Variants in DYNC1H1 observed in about 807,000 individuals in gnomAD.
DYNC1H1 encodes cytoplasmic dynein 1 heavy chain 1.
A neutral mutation model predicts 527.1 loss-of-function variants in DYNC1H1; 51 were observed. The observed-to-expected ratio is 0.10, with a 90% CI of 0.08 to 0.12. The LOEUF (loss-of-function observed/expected upper bound fraction) is 0.12. Among genes scored for constraint, DYNC1H1 ranks in the 10% least tolerant of loss-of-function variants. The pLI, the probability that DYNC1H1 is intolerant of heterozygous loss-of-function variation, is 1.00. For missense variants in DYNC1H1, 2,771 were observed against 5,971.8 expected, an observed-to-expected ratio of 0.46 and a Z score of 17.66; for synonymous variants, 2,189 against 2,278.8, an observed-to-expected ratio of 0.96 and a Z score of 1.12.
rs547982411 is a variant in DYNC1H1, at chr14:102,020,515, C to A, written c.8507+459C>A. Among the ~76,000 whole-genome samples the A allele has an allele frequency of 2.0e-5, 3 of 152,244 alleles. No homozygotes were observed. Among genetic ancestry groups the A allele is most frequent in the South Asian group, 2.1e-4 (1 of 4,818 alleles). ...CCCAGTGTGCGTGTTCCGTAACCAC[C>A]ACCCCTCTTCCTGTTTCTCAGTCTG... is the stretch of plus-strand genomic sequence containing the variant. On this transcript the variant is annotated intron_variant, in intron 42 of 77. Coordinates refer to ENST00000360184, the MANE Select transcript of DYNC1H1 (RefSeq NM_001376.5). The surrounding 1 kb of genome is among the most constrained non-coding windows in gnomAD (Gnocchi z 4.3).
At chr14:101,974,033 C>G (rs1383822708) in intron 1 of DYNC1H1, among the ~76,000 whole-genome samples, 2 of 152,318 alleles carry the variant, frequency 1.3e-5, no homozygotes, top group Non-Finnish European at 2.9e-5. Flanking sequence ...AAATGACTTT[C>G]TCAAGGTCAC....
intron 1 of DYNC1H1, among the ~76,000 whole-genome samples, chr14:101,967,522 C>T (rs1031593408): frequency 4.3e-4 from 65 of 152,276 alleles, no homozygotes; most frequent in African/African-American, 1.5e-3. Flanking sequence ...GCTACCCCAG[C>T]TAGCCATAAA....
rs772665813 is a variant in DYNC1H1, at chr14:102,033,068, C to A, written c.10083C>A (p.Asp3361Glu). The A allele has an allele frequency of 5.0e-6, 8 of 1,613,252 alleles. No individual in the cohort carries two copies. The highest frequency in any genetic ancestry group is 5.9e-6 in the Non-Finnish European group (7 of 1,179,244). The change falls in exon 53 of 78, where the codon GAC (aspartate) becomes GAA (glutamate). Residue 3361 changes from aspartate (D) to glutamate (E), a missense_variant. Asp to Glu is a conservative substitution (Grantham distance 45). Transcript: ENST00000360184. The surrounding 1 kb of genome is among the most constrained non-coding windows in gnomAD (Gnocchi z 5.6). ...AAATATCATTCGTCTTTTACAGTGA[C>A]GCCATAAGGGAGAAGATGAAGAAAA... is the stretch of plus-strand genomic sequence containing the variant. ...IVNFSAEEIS[D>E]AIREKMKKNY... is the part of the protein sequence containing the mutation.
chr14:101,973,670 G>C (rs1434822490), intron 1 of DYNC1H1, among the ~76,000 whole-genome samples: 1 of 152,122 alleles, frequency 6.6e-6, no homozygotes, highest in Non-Finnish European at 1.5e-5. Context: ...TGAAGGTGGT[G>C]GCATGAGCGT....
chr14:101,997,925 G>A lies in DYNC1H1; in HGVS notation c.3804+651G>A, dbSNP rs999182773. 4.6e-5 allele frequency among the ~76,000 whole-genome samples: 7 copies of A among 152,336 alleles called. No homozygotes were observed. The East Asian group carries it at 1.3e-3, about 29-fold the overall frequency. On this transcript the variant is annotated intron_variant, in intron 16 of 77. Coordinates refer to ENST00000360184, the MANE Select transcript of DYNC1H1 (RefSeq NM_001376.5). This position sits in a 1 kb window ranked among gnomAD's most constrained non-coding sequence, Gnocchi z 4.8. ...AGGTGGTGGTGCTGCTGCGACAGAAGCAGATGAGAGGGCGCTGGCTCAGTG... is the reference window on the plus strand; with the variant it reads ...AGGTGGTGGTGCTGCTGCGACAGAAACAGATGAGAGGGCGCTGGCTCAGTG...
chr14:101,997,010 T>G lies in DYNC1H1; in HGVS notation c.3565-25T>G. 4 of 1,604,468 alleles carry G rather than the reference T, an allele frequency of 2.5e-6. No homozygotes were observed. The highest frequency in any genetic ancestry group is 3.4e-6 in the Non-Finnish European group (4 of 1,175,024). On this transcript the variant is annotated intron_variant, in intron 15 of 77. Transcript: ENST00000360184. The surrounding 1 kb of genome is among the most constrained non-coding windows in gnomAD (Gnocchi z 4.8). Reference sequence around the variant, plus strand: ...CTATCATTGTTATAGAAGAAAAAACTTGATTTATTTTTTAACTCTCAAAGC... The same window carrying G: ...CTATCATTGTTATAGAAGAAAAAACGTGATTTATTTTTTAACTCTCAAAGC...
intron 29 of DYNC1H1, 105 bp downstream of exon 29, chr14:102,008,442 A>G: frequency 7.0e-7 from 1 of 1,427,684 alleles, no homozygotes; most frequent in South Asian, 1.2e-5. Flanking sequence ...AATTTAGCTC[A>G]CAGGAGCTCA....
rs981177855 is a variant in DYNC1H1 at position 102,055,774 on chromosome 14, T to G, written c.*5211T>G. The G allele has an allele frequency of 2.6e-5, 4 of 152,418 alleles. No homozygotes were observed. The highest frequency in any genetic ancestry group is 2.0e-4 in the Admixed American group (3 of 15,270). 9.4% of individuals were successfully genotyped at this position (152,418 alleles called of 1,614,324 possible). ...CTTCCAAACCCCGCAGGCAGCTGAT[T>G]AGCAAACTCTGACTCTAACCTCAAA... On this transcript the variant is annotated 3_prime_UTR_variant, in exon 78 of 78. Coordinates refer to ENST00000360184, the MANE Select transcript of DYNC1H1 (RefSeq NM_001376.5).
At position 102,052,778 on chromosome 14, in the gene DYNC1H1, G is replaced by C. The variant is rs1430708233; in HGVS notation, c.*2215G>C. The C allele has an allele frequency of 6.6e-6, 1 of 152,282 alleles. No individual in the cohort carries two copies. Among genetic ancestry groups the C allele is most frequent in the African/African-American group, 2.4e-5 (1 of 41,460 alleles). The allele number at this position is 152,282 out of a possible 1,614,324, so 9.4% of individuals were successfully genotyped here. On this transcript the variant is annotated 3_prime_UTR_variant, in exon 78 of 78. Transcript: ENST00000360184. Reference sequence around the variant, plus strand: ...CCATCCTCGAGTCCTCGGGCTACGTGCCCTCATCTTTGGCTTCCAGGGACA... The same window carrying C: ...CCATCCTCGAGTCCTCGGGCTACGTCCCCTCATCTTTGGCTTCCAGGGACA...
At chr14:101,973,264 T>A (rs1481002434) in intron 1 of DYNC1H1, among the ~76,000 whole-genome samples, 1 of 151,046 alleles carries the variant, frequency 6.6e-6, no homozygotes, top group African/African-American at 2.4e-5. Context: ...GTTGAAGCAA[T>A]TCTCTTACCC....
Position 102,039,074 on chromosome 14 carries a change from T to A in DYNC1H1, c.11280T>A (p.Ile3760=). ...CTCTGAACGAGGTGAAAGGGCGCAT[T>A]TTGGATGACGACACGATCATAACCA... ...LQALNEVKGR[I]LDDDTIITTL... is the part of the protein sequence containing the mutation. Residue 3760 remains isoleucine, a synonymous_variant, in exon 60 of 78, where the codon ATT becomes ATA. Coordinates refer to ENST00000360184, the MANE Select transcript of DYNC1H1 (RefSeq NM_001376.5). This position sits in a 1 kb window ranked among gnomAD's most constrained non-coding sequence, Gnocchi z 7.0. 1 of 1,614,136 alleles carries A rather than the reference T, an allele frequency of 6.2e-7. No individual in the cohort carries two copies.
chr14:101,987,427 T>G (rs1417435263), intron 8 of DYNC1H1, 26 bp from the exon 9 acceptor site: 1 of 1,606,452 alleles, frequency 6.2e-7, no homozygotes, highest in Non-Finnish European at 8.5e-7. Context: ...GTGGGTGTTT[T>G]AAATATTAAA....
chr14:101,973,796 A>AT, intron 1 of DYNC1H1, among the ~76,000 whole-genome samples: 1 of 152,284 alleles, frequency 6.6e-6, no homozygotes, highest in South Asian at 2.1e-4. Context: ...AGAGCAAGAC[A>AT]TTGTCTCTAA....
At chr14:102,021,377 C>A (rs890290640) in intron 42 of DYNC1H1, among the ~76,000 whole-genome samples, 1 of 152,012 alleles carries the variant, frequency 6.6e-6, no homozygotes, top group African/African-American at 2.4e-5. Context: ...ACCCTGTCTC[C>A]CACAATATAG....
intron 56 of DYNC1H1, chr14:102,034,666 T>TTCTAAAA (rs2048551068): frequency 2.4e-6 from 2 of 818,144 alleles, no homozygotes; most frequent in Admixed American, 4.5e-5. Flanking sequence ...TCTTGTAACC[T>TTCTAAAA]TCTAAAATCG....
Position 101,986,724 on chromosome 14 carries a change from A to G in DYNC1H1, c.2499A>G (p.Val833=), listed in dbSNP as rs2047941402. 6.2e-7 allele frequency: 1 copy of G among 1,614,204 alleles called. No homozygotes were observed. The change falls in exon 8 of 78, where the codon GTA becomes GTG. Residue 833 remains valine, a synonymous_variant. Coordinates refer to ENST00000360184, the MANE Select transcript of DYNC1H1 (RefSeq NM_001376.5). This position sits in a 1 kb window ranked among gnomAD's most constrained non-coding sequence, Gnocchi z 8.7. The part of the protein sequence containing the change: ...VWESYKLDPY[V]QRLAETVFNF... ...AGTCCTACAAACTTGACCCATATGT[A>G]CAGCGCTTAGCAGAGACTGTCTTCA...
intron 63 of DYNC1H1, 62 bp from the exon 64 acceptor site, chr14:102,040,536 T>G: frequency 6.2e-7 from 1 of 1,612,596 alleles, no homozygotes; most frequent in Non-Finnish European, 8.5e-7. Context: ...TCTCGCTCAG[T>G]CGTGGGTTCT....
Position 102,041,164 on chromosome 14 carries a change from G to A in DYNC1H1, c.11942-410G>A, listed in dbSNP as rs1201599037. 2.8e-6 allele frequency: 1 copy of A among 351,570 alleles called. No homozygotes were observed. Among genetic ancestry groups the A allele is most frequent in the Non-Finnish European group, 5.4e-6 (1 of 183,530 alleles). 21.8% of individuals were successfully genotyped at this position (351,570 alleles called of 1,614,324 possible). A position where few individuals can be genotyped will look rare whatever the true frequency, so the allele number is the denominator to read the frequency against. On this transcript the variant is annotated intron_variant, in intron 64 of 77. Coordinates refer to ENST00000360184, the MANE Select transcript of DYNC1H1 (RefSeq NM_001376.5). This position sits in a 1 kb window ranked among gnomAD's most constrained non-coding sequence, Gnocchi z 4.5. ...TAAGGAGTTAACTGGCTGTATTCAT[G>A]CTGCAGACAGGAATGGAATGCCATC...
At position 102,044,351 on chromosome 14, in the gene DYNC1H1, G is replaced by T. The variant is rs746049414; in HGVS notation, c.12762G>T (p.Gly4254=). Residue 4254 remains glycine (G), a synonymous_variant, in exon 71 of 78, where the codon GGG becomes GGT. Coordinates refer to ENST00000360184, the MANE Select transcript of DYNC1H1 (RefSeq NM_001376.5). This position sits in a 1 kb window ranked among gnomAD's most constrained non-coding sequence, Gnocchi z 7.1. Reference sequence around the variant, plus strand: ...TAATGGCCCAGTCCATTTATGGCGGGCGCGTGGACAACGAGTTTGACCAGC... The same window carrying T: ...TAATGGCCCAGTCCATTTATGGCGGTCGCGTGGACAACGAGTTTGACCAGC... ...KTLMAQSIYG[G]RVDNEFDQRL... is the part of the protein sequence containing the mutation. 7 of 1,613,948 alleles carry T rather than the reference G, an allele frequency of 4.3e-6. No homozygotes were observed. Among genetic ancestry groups the T allele is most frequent in the Non-Finnish European group, 5.9e-6 (7 of 1,179,992 alleles).
Sources: gnomAD v4.1 joint callset for allele counts (sites outside exome capture counted in the v4.1 genomes callset) on GRCh38, gnomAD v4.1.1 for gene constraint, Gnocchi (gnomAD v3.1) non-coding constraint, MANE v1.5 for transcripts, NCBI Gene and HGNC (gene_info 2026-07-23, HGNC 2026-07-21) for gene names.